Variants in APBA1 observed in about 807,000 individuals in gnomAD.
APBA1 encodes amyloid-beta A4 precursor protein-binding family A member 1.
Under a neutral mutation model 86.6 loss-of-function variants are expected in APBA1, and 55 were observed. The observed-to-expected ratio is 0.64, with a 90% CI of 0.51 to 0.80. The LOEUF (loss-of-function observed/expected upper bound fraction) is 0.80. APBA1 is among the 30% of genes least tolerant of loss of function. The pLI, the probability that APBA1 is intolerant of heterozygous loss-of-function variation, is 0.00. For synonymous variants in APBA1, 511 were observed against 493.9 expected (o/e 1.03, Z -0.46); for missense variants, 1,090 against 1,183.0 (o/e 0.92, Z 1.15).
intron 1 of APBA1, among the ~76,000 whole-genome samples, chr9:69,528,696 G>A (rs1201433928): frequency 1.3e-5 from 2 of 151,706 alleles, no homozygotes; most frequent in African/African-American, 4.8e-5. Flanking sequence ...ACACTAAGTG[G>A]GGGCGAGGGT....
chr9:69,607,557 C>T (rs1277723251), intron 1 of APBA1, among the ~76,000 whole-genome samples: 1 of 152,206 alleles, frequency 6.6e-6, no homozygotes, highest in Non-Finnish European at 1.5e-5. Flanking sequence ...CAAGCTTCCT[C>T]TAACTTTCAA....
intron 1 of APBA1, among the ~76,000 whole-genome samples, chr9:69,599,979 T>G (rs1822314990): frequency 6.6e-6 from 1 of 152,200 alleles, no homozygotes; most frequent in African/African-American, 2.4e-5. Flanking sequence ...AAATATCTGA[T>G]CTGAATACAG....
intron 1 of APBA1, among the ~76,000 whole-genome samples, chr9:69,621,155 C>A (rs529698336): frequency 6.6e-5 from 10 of 152,176 alleles, no homozygotes; most frequent in Non-Finnish European, 1.5e-4. Context: ...TTATTATCAC[C>A]AGTGAAGGGA....
At chr9:69,494,995 T>C (rs1485723797) in intron 2 of APBA1, among the ~76,000 whole-genome samples, 1 of 152,140 alleles carries the variant, frequency 6.6e-6, no homozygotes, top group Non-Finnish European at 1.5e-5. Flanking sequence ...GAGCATGGAA[T>C]TGGAGGTACA....
At position 69,431,162 on chromosome 9, in the gene APBA1, G is replaced by C. The variant is rs1007965909; in HGVS notation, c.*165C>G. The C allele has an allele frequency of 3.8e-5, 14 of 367,008 alleles. No homozygotes were observed. Among genetic ancestry groups the C allele is most frequent in the East Asian group, 1.3e-4 (3 of 23,754 alleles). 22.7% of individuals were successfully genotyped at this position (367,008 alleles called of 1,614,324 possible). On this transcript the variant is annotated 3_prime_UTR_variant, in exon 13 of 13. Transcript: ENST00000265381. ...TATTGAAAAAAAAAAAAAAAAAAAA[G>C]CAAATCGGAGAGAGTAAAGAGGTCC...
At chr9:69,527,639 A>G (rs1269024036) in intron 1 of APBA1, among the ~76,000 whole-genome samples, 1 of 152,062 alleles carries the variant, frequency 6.6e-6, no homozygotes, top group Non-Finnish European at 1.5e-5. Context: ...CTGAGCCCAT[A>G]AAGTGATACA....
intron 11 of APBA1, among the ~76,000 whole-genome samples, chr9:69,437,149 C>T (rs1834741216): frequency 6.6e-6 from 1 of 151,762 alleles, no homozygotes; most frequent in African/African-American, 2.4e-5. Flanking sequence ...GGTGGATAAG[C>T]TTTTTGATGT....
At chr9:69,656,188 C>T (rs10867859) in intron 1 of APBA1, among the ~76,000 whole-genome samples, 96,667 of 152,060 alleles carry the variant, frequency 0.64, 34,033 homozygotes, top group East Asian at 0.97. Flanking sequence ...ATAAATTGGA[C>T]AAAGTAGTCC....
rs1323269260 is a variant in APBA1 at position 69,476,083 on chromosome 9, G to T, written c.1261C>A (p.Pro421Thr). ...GAESSSTSLHPSDPVEASTNK... is the reference protein window; with the variant it reads ...GAESSSTSLHTSDPVEASTNK... ...GTGGACGCTTCCACAGGGTCACTGG[G>T]GTGAAGAGATGTGCTTGATGACTCT... Residue 421 changes from proline to threonine, a missense_variant, in exon 3 of 13, where the codon CCC (proline) becomes ACC (threonine). Pro to Thr is a conservative substitution (Grantham distance 38). Coordinates refer to ENST00000265381, the MANE Select transcript of APBA1 (RefSeq NM_001163.4). The T allele has an allele frequency of 6.2e-7, 1 of 1,614,170 alleles. No individual in the cohort carries two copies. Among genetic ancestry groups the T allele is most frequent in the South Asian group, 1.1e-5 (1 of 91,078 alleles).
intron 1 of APBA1, among the ~76,000 whole-genome samples, chr9:69,600,500 C>T (rs562855143): frequency 2.6e-5 from 4 of 152,162 alleles, no homozygotes; most frequent in East Asian, 3.9e-4. Context: ...CGAGTCTCTT[C>T]GTTTTTAAAA....
chr9:69,518,188 AATTTATATAGC>A (rs1163488690), intron 1 of APBA1, among the ~76,000 whole-genome samples: 6 of 152,232 alleles, frequency 3.9e-5, no homozygotes, highest in African/African-American at 1.4e-4. Context: ...GTATAACAAC[AATTTATATAGC>A]ATTTATATTG....
At chr9:69,537,869 C>T (rs541266876) in intron 1 of APBA1, among the ~76,000 whole-genome samples, 1 of 151,708 alleles carries the variant, frequency 6.6e-6, no homozygotes, top group Non-Finnish European at 1.5e-5. Context: ...AAATGTTTTC[C>T]CCCAGTGTAT....
At chr9:69,453,492 C>G (rs186704702) in intron 8 of APBA1, among the ~76,000 whole-genome samples, 94 of 152,322 alleles carry the variant, frequency 6.2e-4, no homozygotes, top group African/African-American at 2.2e-3. Flanking sequence ...CTGAGCACTT[C>G]TCATGTGGCT....
At position 69,521,603 on chromosome 9, in the gene APBA1, T is replaced by C. The variant is rs547171707; in HGVS notation, c.-69-4324A>G. Among the ~76,000 whole-genome samples, 14 of 152,188 alleles carry C rather than the reference T, an allele frequency of 9.2e-5. No individual in the cohort carries two copies. In the South Asian group the frequency reaches 2.9e-3, roughly 32 times the overall value. ...TAAGTAAGTAAACAAGATAACTTCA[T>C]AGGGAAACATTTTATGAAGGTAATA... is the stretch of plus-strand genomic sequence containing the variant. On this transcript the variant is annotated intron_variant, in intron 1 of 12. Transcript: ENST00000265381.
chr9:69,492,441 T>A (rs1835729521), intron 2 of APBA1, among the ~76,000 whole-genome samples: 1 of 151,734 alleles, frequency 6.6e-6, no homozygotes, highest in Non-Finnish European at 1.5e-5. Context: ...CTTCATCTCG[T>A]TTCCTTCCTT....
intron 1 of APBA1, among the ~76,000 whole-genome samples, chr9:69,582,340 T>C (rs1435015685): frequency 6.6e-6 from 1 of 152,126 alleles, no homozygotes; most frequent in African/African-American, 2.4e-5. Context: ...AGAAGTGAAA[T>C]CTCACACTTT....
chr9:69,464,554 T>A (rs976077123), intron 5 of APBA1: 7 of 152,222 alleles, frequency 4.6e-5, no homozygotes, highest in African/African-American at 1.7e-4. Context: ...CCATCTAATT[T>A]TTGATTCAAA....
At position 69,516,112 on chromosome 9, in the gene APBA1, A is replaced by G; in HGVS notation, c.1099T>C (p.Ser367Pro). ...IEEVKTRTIRSPYTPDEPKEP... is the reference protein window; with the variant it reads ...IEEVKTRTIRPPYTPDEPKEP... ...TTGGGCTCGTCGGGGGTGTAAGGCGAACGGATGGTCCTGGTTTTCACCTCC... is the reference window on the plus strand; with the variant it reads ...TTGGGCTCGTCGGGGGTGTAAGGCGGACGGATGGTCCTGGTTTTCACCTCC... The change falls in exon 2 of 13, where the codon TCG becomes CCG. Residue 367 changes from serine to proline, a missense_variant. This residue lies in a region of APBA1 where 678 missense variants were observed against 647.1 expected (regional missense o/e 1.05). Transcript: ENST00000265381. The surrounding 1 kb of genome is among the most constrained non-coding windows in gnomAD (Gnocchi z 7.3). The G allele has an allele frequency of 2.5e-6, 4 of 1,613,690 alleles. No homozygotes were observed. Among genetic ancestry groups the G allele is most frequent in the Non-Finnish European group, 3.4e-6 (4 of 1,179,804 alleles).
At chr9:69,658,294 T>TTTCTCTC (rs1564104961) in intron 1 of APBA1, among the ~76,000 whole-genome samples, 3 of 44,520 alleles carry the variant, frequency 6.7e-5, no homozygotes, top group African/African-American at 2.2e-4. Context: ...CTCTCTCTCT[T>TTTCTCTC]TCTCTCTCTC....
Sources: allele counts gnomAD v4.1 joint callset (sites outside exome capture counted in the v4.1 genomes callset), GRCh38; gene constraint gnomAD v4.1.1; regional missense constraint gnomAD v4.1.1; non-coding constraint Gnocchi (gnomAD v3.1); transcripts MANE v1.5; gene names NCBI Gene and HGNC (gene_info 2026-07-23, HGNC 2026-07-21).